The following ATXN7 variants were observed in gnomAD, a reference collection of about 807,000 sequenced individuals.
ATXN7 encodes the protein ataxin-7.
A neutral mutation model predicts 70.5 loss-of-function variants in ATXN7; 12 were observed. The observed-to-expected ratio is 0.17, with a 90% CI of 0.11 to 0.28. The LOEUF (loss-of-function observed/expected upper bound fraction) is 0.28, where lower values mean the gene tolerates loss of function less well. ATXN7 is among the 10% of genes least tolerant of loss of function. The pLI is 1.00. For missense variants in ATXN7, 1,256 were observed against 1,131.7 expected (o/e 1.11, Z -1.58); for synonymous variants, 498 against 448.7 (o/e 1.11, Z -1.39).
At chr3:63,911,959 A>C (rs1010089253) in intron 2 of ATXN7, 1 of 152,100 alleles carries the variant, frequency 6.6e-6, no homozygotes, top group African/African-American at 2.4e-5. Flanking sequence ...CGGCTCCTCC[A>C]TAGGTGGCTG....
intron 5 of ATXN7, among the ~76,000 whole-genome samples, chr3:63,973,389 G>A (rs1026194827): frequency 6.6e-6 from 1 of 152,098 alleles, no homozygotes; most frequent in African/African-American, 2.4e-5. Context: ...ACCCTATTGA[G>A]CAGGTGTTTG....
intron 4 of ATXN7, among the ~76,000 whole-genome samples, chr3:63,947,474 C>G (rs1408732893): frequency 6.6e-6 from 1 of 152,052 alleles, no homozygotes; most frequent in Non-Finnish European, 1.5e-5. Flanking sequence ...TGTGATTACT[C>G]CTAGCTACTC....
chr3:63,916,791 A>G (rs1704285315), intron 4 of ATXN7, among the ~76,000 whole-genome samples: 1 of 152,206 alleles, frequency 6.6e-6, no homozygotes, highest in Admixed American at 6.5e-5. Flanking sequence ...AGGTCAACCT[A>G]GTTTTGTTTG....
chr3:63,947,900 G>A (rs2074889811), intron 4 of ATXN7, among the ~76,000 whole-genome samples: 1 of 152,178 alleles, frequency 6.6e-6, no homozygotes, highest in African/African-American at 2.4e-5. Context: ...AGTGAGCCAA[G>A]GAGAGAGAAG....
intron 1 of ATXN7, among the ~76,000 whole-genome samples, chr3:63,868,962 A>G (rs112516593): frequency 3.3e-5 from 5 of 152,318 alleles, no homozygotes; most frequent in African/African-American, 1.2e-4. Flanking sequence ...GTCAATAGGA[A>G]AGGGTCTGGC....
intron 11 of ATXN7, among the ~76,000 whole-genome samples, chr3:63,994,031 C>T (rs919972582): frequency 2.6e-5 from 4 of 152,178 alleles, no homozygotes; most frequent in Middle Eastern, 3.2e-3. Flanking sequence ...AGCCTAGCCT[C>T]TCAATCTTGG....
chr3:63,954,119 G>A (rs975516862), intron 5 of ATXN7, among the ~76,000 whole-genome samples: 10 of 152,188 alleles, frequency 6.6e-5, no homozygotes, highest in Admixed American at 4.6e-4. Context: ...AAGCCCTAGG[G>A]TAGGCACTAG....
intron 4 of ATXN7, among the ~76,000 whole-genome samples, chr3:63,930,377 T>C (rs943512620): frequency 6.6e-6 from 1 of 152,192 alleles, no homozygotes; most frequent in Non-Finnish European, 1.5e-5. Flanking sequence ...GATGAAGATA[T>C]CCTGTAATAG....
At chr3:63,902,958 CCTTT>C (rs1703700572) in intron 2 of ATXN7, among the ~76,000 whole-genome samples, 3 of 151,860 alleles carry the variant, frequency 2.0e-5, no homozygotes, top group Admixed American at 1.3e-4. Context: ...ATAAAAAGTT[CCTTT>C]AAGTTTAAAG....
Position 64,003,205 on chromosome 3 carries a change from CTTTTTTTTTTTTT to C in ATXN7, c.*3750_*3762del, listed in dbSNP as rs754267860. ...AATGTAGGGCCTTGAAAGCATTTTG[CTTTTTTTTTTTTT>C]TTTTTTTTTTTGAGCTTGGTTATAA... On this transcript the variant is annotated 3_prime_UTR_variant, in exon 13 of 13. Transcript: ENST00000674280. 2.6e-5 allele frequency: 2 copies of C among 75,514 alleles called. No individual in the cohort carries two copies. The highest frequency in any genetic ancestry group is 1.6e-4 in the Admixed American group (1 of 6,322). 4.7% of individuals were successfully genotyped at this position (75,514 alleles called of 1,614,324 possible). A position where few individuals can be genotyped will look rare whatever the true frequency, so the allele number is the denominator to read the frequency against.
chr3:63,896,064 G>C (rs570057986), intron 1 of ATXN7, among the ~76,000 whole-genome samples: 2 of 152,136 alleles, frequency 1.3e-5, no homozygotes, highest in Non-Finnish European at 2.9e-5. Flanking sequence ...AAAGATGGGA[G>C]TAAGTAGTTT....
chr3:63,991,501 C>T (rs910579566), intron 11 of ATXN7, among the ~76,000 whole-genome samples: 1 of 152,104 alleles, frequency 6.6e-6, no homozygotes, highest in Non-Finnish European at 1.5e-5. Context: ...GGATGAGAAA[C>T]AGCAGTCACT....
chr3:63,952,501 T>TA lies in ATXN7; in HGVS notation c.499+24dup, dbSNP rs751889955. 1.5e-5 allele frequency: 23 copies of TA among 1,544,944 alleles called. No individual in the cohort carries two copies. In the East Asian group the frequency reaches 1.8e-4, roughly 12 times the overall value. ...ACATTATGGTAAGTGCTTAACCATT[T>TA]AAAAAATTGTTAATAGAAGGTAAAA... On this transcript the variant is annotated intron_variant, in intron 5 of 12. Coordinates refer to ENST00000674280, the MANE Select transcript of ATXN7 (RefSeq NM_001377405.1).
chr3:63,897,148 AT>A (rs373817530), intron 1 of ATXN7, among the ~76,000 whole-genome samples: 1 of 152,246 alleles, frequency 6.6e-6, no homozygotes, highest in Non-Finnish European at 1.5e-5. Context: ...AAAGAAATGC[AT>A]TTTGGCTCAG....
rs1576007358 is a variant in ATXN7, at chr3:63,996,612, C to G, written c.2661+129C>G. The G allele has an allele frequency of 7.4e-5, 15 of 202,572 alleles. No homozygotes were observed. The East Asian group carries it at 1.1e-3, about 15-fold the overall frequency. The allele number at this position is 202,572 out of a possible 1,614,324, so 12.5% of individuals were successfully genotyped here. On this transcript the variant is annotated intron_variant, in intron 12 of 12. Coordinates refer to ENST00000674280, the MANE Select transcript of ATXN7 (RefSeq NM_001377405.1). ...AAACAGATATTCAGCTTCATGGTGT[C>G]TTCTTAAAAAAAAAAAAAAAAAAAA...
intron 1 of ATXN7, among the ~76,000 whole-genome samples, chr3:63,895,726 T>C (rs1703421065): frequency 6.6e-6 from 1 of 152,024 alleles, no homozygotes; most frequent in Admixed American, 6.6e-5. Context: ...CCTTTCTTCC[T>C]TTCTCCTTTT....
At chr3:63,937,306 A>C (rs1156766830) in intron 4 of ATXN7, among the ~76,000 whole-genome samples, 1 of 152,178 alleles carries the variant, frequency 6.6e-6, no homozygotes, top group East Asian at 1.9e-4. Context: ...TTAGCGCATA[A>C]AGTTCTTTTT....
At chr3:63,888,712 G>A (rs1208326150) in intron 1 of ATXN7, among the ~76,000 whole-genome samples, 1 of 152,100 alleles carries the variant, frequency 6.6e-6, no homozygotes, top group Non-Finnish European at 1.5e-5. Context: ...GGAGGCAGAG[G>A]TTGCAGTGAG....
At chr3:63,926,420 G>A (rs2107328901) in intron 4 of ATXN7, among the ~76,000 whole-genome samples, 1 of 152,338 alleles carries the variant, frequency 6.6e-6, no homozygotes, top group East Asian at 1.9e-4. Flanking sequence ...GCATATTGTG[G>A]ATAAGCTTTC....
Sources: allele counts gnomAD v4.1 joint callset (sites outside exome capture counted in the v4.1 genomes callset), GRCh38; gene constraint gnomAD v4.1.1; transcripts MANE v1.5; gene names NCBI Gene and HGNC (gene_info 2026-07-23, HGNC 2026-07-21).